The following PTPN23 variants were observed in gnomAD, a reference collection of about 807,000 sequenced individuals.
The protein encoded by PTPN23 is tyrosine-protein phosphatase non-receptor type 23.
A neutral mutation model predicts 156.3 loss-of-function variants in PTPN23; 72 were observed. The ratio of observed to expected loss-of-function variants is 0.46; its 90% CI spans 0.38 to 0.56. The LOEUF is 0.56. Among genes scored for constraint, PTPN23 ranks in the 20% least tolerant of loss-of-function variants. The pLI, the probability that PTPN23 is intolerant of heterozygous loss-of-function variation, is 0.00. For missense variants in PTPN23, 1,974 were observed against 2,171.5 expected, an observed-to-expected ratio of 0.91 and a Z score of 1.81; for synonymous variants, 957 against 899.6, an observed-to-expected ratio of 1.06 and a Z score of -1.14.
Position 47,413,357 on chromosome 3 carries a change from G to A in PTPN23, c.*172G>A, listed in dbSNP as rs1705381755. ...GGGGTGGAAATGTACTGCAGGCTCTGGGTCAGGTTCTGCTCCTTTATGGGA... is the reference window on the plus strand; with the variant it reads ...GGGGTGGAAATGTACTGCAGGCTCTAGGTCAGGTTCTGCTCCTTTATGGGA... On this transcript the variant is annotated 3_prime_UTR_variant, in exon 25 of 25. Coordinates refer to ENST00000265562, the MANE Select transcript of PTPN23 (RefSeq NM_015466.4). The A allele has an allele frequency of 7.7e-6, 7 of 904,988 alleles. No individual in the cohort carries two copies. In the South Asian group the frequency reaches 1.3e-4, roughly 17 times the overall value. 56.1% of individuals were successfully genotyped at this position (904,988 alleles called of 1,614,324 possible).
At position 47,412,256 on chromosome 3, in the gene PTPN23, C is replaced by T. The variant is rs200830929; in HGVS notation, c.4179-27C>T. On this transcript the variant is annotated intron_variant, in intron 22 of 24. Transcript: ENST00000265562. ...GGGCTCTTGGCCTAGCCTCATACCC[C>T]GGCCTCATAACCCCTTCTTGGCACA... is the stretch of plus-strand genomic sequence containing the variant. The T allele has an allele frequency of 2.6e-4, 418 of 1,612,948 alleles. 2 individuals are homozygous for T. The highest frequency in any genetic ancestry group is 5.0e-4 in the Middle Eastern group (3 of 6,060).
In PTPN23 at chr3:47,407,835, G is replaced by A. The variant is rs762364146; in HGVS notation, c.1118+24G>A. On this transcript the variant is annotated intron_variant, in intron 13 of 24. Coordinates refer to ENST00000265562, the MANE Select transcript of PTPN23 (RefSeq NM_015466.4). The surrounding 1 kb of genome is among the most constrained non-coding windows in gnomAD (Gnocchi z 4.0). The stretch of plus-strand genomic sequence containing the variant: ...AGGTGGGTGGAGGGTGGCACAGAGG[G>A]AGGTGGGGTGTCTTGAGATGTGGGT... 8.1e-6 allele frequency: 13 copies of A among 1,614,086 alleles called. No individual in the cohort carries two copies. Among genetic ancestry groups the A allele is most frequent in the Non-Finnish European group, 1.1e-5 (13 of 1,179,916 alleles).
At chr3:47,412,664 C>G (rs753885218) in intron 24 of PTPN23, 37 bp downstream of exon 24, 1 of 1,604,930 alleles carries the variant, frequency 6.2e-7, no homozygotes, top group South Asian at 1.1e-5. Context: ...GGGAGAGCCA[C>G]AGCCTTGGGA....
intron 1 of PTPN23, among the ~76,000 whole-genome samples, chr3:47,389,493 G>A (rs1178495864): frequency 1.3e-5 from 2 of 152,050 alleles, no homozygotes; most frequent in Non-Finnish European, 2.9e-5. Context: ...GGTAGCTCAC[G>A]CCTGTAATCC....
At chr3:47,384,540 C>T (rs1704616513) in intron 1 of PTPN23, among the ~76,000 whole-genome samples, 1 of 150,840 alleles carries the variant, frequency 6.6e-6, no homozygotes, top group Non-Finnish European at 1.5e-5. Flanking sequence ...GAAGGCTTGC[C>T]AGAGATGGAT....
In PTPN23 at chr3:47,412,299, A is replaced by G; in HGVS notation, c.4195A>G (p.Thr1399Ala). 1 of 1,613,254 alleles carries G rather than the reference A, an allele frequency of 6.2e-7. No individual in the cohort carries two copies. The highest frequency in any genetic ancestry group is 8.5e-7 in the Non-Finnish European group (1 of 1,179,872). ...IVHCSSGVGR[T>A]GAFALLYAAV... ...TTGGCACAGCTCTGGTGTGGGCCGC[A>G]CGGGAGCCTTTGCACTGCTCTATGC... The change falls in exon 23 of 25, where the codon ACG becomes GCG. Residue 1399 changes from threonine to alanine, a missense_variant. Thr to Ala is a moderately conservative substitution (Grantham distance 58). Coordinates refer to ENST00000265562, the MANE Select transcript of PTPN23 (RefSeq NM_015466.4).
intron 3 of PTPN23, 73 bp downstream of exon 3, chr3:47,404,852 C>A: frequency 6.3e-7 from 1 of 1,583,688 alleles, no homozygotes. Context: ...CCCTCCCTTC[C>A]CCCTTCTCCT....
In PTPN23 at chr3:47,409,408, C is replaced by G; in HGVS notation, c.1798-9C>G. On this transcript the variant is annotated splice_polypyrimidine_tract_variant and intron_variant, in intron 17 of 24. Coordinates refer to ENST00000265562, the MANE Select transcript of PTPN23 (RefSeq NM_015466.4). ...GAGTGTCCGTCCCTGGCCCCCACCC[C>G]TTCCTCAGAAGTTGTTCGAGGAGCA... 1 of 1,614,050 alleles carries G rather than the reference C, an allele frequency of 6.2e-7. No individual in the cohort carries two copies.
rs1576211552 is a variant in PTPN23, at chr3:47,389,556, C to T, written c.85-6587C>T. Among the ~76,000 whole-genome samples, 5 of 151,908 alleles carry T rather than the reference C, an allele frequency of 3.3e-5. No individual in the cohort carries two copies. In the East Asian group the frequency reaches 9.7e-4, roughly 29 times the overall value. ...GATCACGAAGTCAAGGGTTCGGGAC[C>T]AGGGCCTGGCGCAGTGGCTCACGCC... On this transcript the variant is annotated intron_variant, in intron 1 of 24. Coordinates refer to ENST00000265562, the MANE Select transcript of PTPN23 (RefSeq NM_015466.4).
At position 47,413,346 on chromosome 3, in the gene PTPN23, C is replaced by G; in HGVS notation, c.*161C>G. The G allele has an allele frequency of 1.0e-6, 1 of 985,642 alleles. No individual in the cohort carries two copies. The highest frequency in any genetic ancestry group is 1.5e-6 in the Non-Finnish European group (1 of 672,780). 61.1% of individuals were successfully genotyped at this position (985,642 alleles called of 1,614,324 possible). ...TGCACCCCTGTGGGGTGGAAATGTA[C>G]TGCAGGCTCTGGGTCAGGTTCTGCT... is the stretch of plus-strand genomic sequence containing the variant. On this transcript the variant is annotated 3_prime_UTR_variant, in exon 25 of 25. Coordinates refer to ENST00000265562, the MANE Select transcript of PTPN23 (RefSeq NM_015466.4).
rs1181977839 is a variant in PTPN23, at chr3:47,411,275, G to A, written c.3477G>A (p.Leu1159=). 7 of 1,611,124 alleles carry A rather than the reference G, an allele frequency of 4.3e-6. No homozygotes were observed. ...AEGRRPQALR[L]IERDPYEHPE... is the part of the protein sequence containing the mutation. The stretch of plus-strand genomic sequence containing the variant: ...GTCGTCGGCCGCAGGCCCTGCGGCT[G>A]ATTGAGCGGGACCCCTATGAGCATC... The change falls in exon 20 of 25, where the codon CTG becomes CTA. Residue 1159 remains leucine, a synonymous_variant. Coordinates refer to ENST00000265562, the MANE Select transcript of PTPN23 (RefSeq NM_015466.4). This position sits in a 1 kb window ranked among gnomAD's most constrained non-coding sequence, Gnocchi z 6.3.
Position 47,410,067 on chromosome 3 carries a change from C to T in PTPN23, c.2269C>T (p.Arg757Ter), listed in dbSNP as rs1270036733. Residue 757 changes from arginine to a stop codon, truncating the protein, a stop_gained, in exon 20 of 25, where the codon CGA becomes TGA. Coordinates refer to ENST00000265562, the MANE Select transcript of PTPN23 (RefSeq NM_015466.4). LOFTEE classifies it high-confidence loss of function. ...CCCCCCTGACATGGTGGCTGGCCCA[C>T]GACTGCCTGACACCTTCCTGGGAAG... ...SLPPDMVAGP[R>*]LPDTFLGSAT... is the part of the protein sequence containing the mutation. The T allele has an allele frequency of 1.2e-6, 2 of 1,611,394 alleles. No individual in the cohort carries two copies. Among genetic ancestry groups the T allele is most frequent in the Non-Finnish European group, 8.5e-7 (1 of 1,178,960 alleles).
At chr3:47,384,451 G>A (rs1264799947) in intron 1 of PTPN23, among the ~76,000 whole-genome samples, 1 of 43,484 alleles carries the variant, frequency 2.3e-5, no homozygotes, top group Non-Finnish European at 4.2e-5. Flanking sequence ...GAGCGAGACT[G>A]TCTCAAAAAA....
intron 2 of PTPN23, among the ~76,000 whole-genome samples, chr3:47,404,357 A>G (rs1271711826): frequency 1.3e-5 from 2 of 150,024 alleles, no homozygotes; most frequent in Admixed American, 1.3e-4. Context: ...GCTTGAACCC[A>G]GGAGGTTGCA....
rs1559528487 is a variant in PTPN23 at position 47,410,653 on chromosome 3, G to C, written c.2855G>C (p.Gly952Ala). The change falls in exon 20 of 25, where the codon GGG becomes GCG. Residue 952 changes from glycine to alanine, a missense_variant. Physicochemically the swap from Gly to Ala is moderately conservative, Grantham distance 60. Around this residue, in one of 4 missense-constraint regions of PTPN23, gnomAD observed 731 missense variants for 669.1 expected, o/e 1.09. Transcript: ENST00000265562. ...GCAGGTTTTCCAGCCCCAAGGATTG[G>C]GCCCCAGCCCCAGCCCCATCCTCAG... ...IPAGFPAPRI[G>A]PQPQPHPQPH... 1.2e-6 allele frequency: 2 copies of C among 1,610,814 alleles called. No individual in the cohort carries two copies. Among genetic ancestry groups the C allele is most frequent in the Non-Finnish European group, 8.5e-7 (1 of 1,178,942 alleles).
At position 47,410,219 on chromosome 3, in the gene PTPN23, C is replaced by T; in HGVS notation, c.2421C>T (p.Ala807=). The T allele has an allele frequency of 6.2e-7, 1 of 1,611,470 alleles. No individual in the cohort carries two copies. Among genetic ancestry groups the T allele is most frequent in the South Asian group, 1.1e-5 (1 of 90,666 alleles). The part of the protein sequence containing the change: ...SGPTQLIQPR[A]PGPHAMPVAP... ...CCACCCAGCTGATACAGCCCAGGGC[C>T]CCAGGGCCCCATGCAATGCCCGTAG... The change falls in exon 20 of 25, where the codon GCC becomes GCT. Residue 807 remains alanine (A), a synonymous_variant. Coordinates refer to ENST00000265562, the MANE Select transcript of PTPN23 (RefSeq NM_015466.4).
Position 47,410,144 on chromosome 3 carries a change from A to T in PTPN23, c.2346A>T (p.Pro782=). ...GCCCCTTCCCCAGCTCCACAGGCCC[A>T]GGACCCCACTATCTCTCAGGCCCCT... ...PPSPFPSSTG[P]GPHYLSGPLP... The change falls in exon 20 of 25, where the codon CCA becomes CCT. Residue 782 remains proline (P), a synonymous_variant. Coordinates refer to ENST00000265562, the MANE Select transcript of PTPN23 (RefSeq NM_015466.4). The T allele has an allele frequency of 6.3e-7, 1 of 1,593,058 alleles. No individual in the cohort carries two copies. Among genetic ancestry groups the T allele is most frequent in the Admixed American group, 1.7e-5 (1 of 57,936 alleles).
chr3:47,407,880 G>A lies in PTPN23; in HGVS notation c.1119-10G>A, dbSNP rs768903209. On this transcript the variant is annotated splice_polypyrimidine_tract_variant and intron_variant, in intron 13 of 24. Transcript: ENST00000265562. This position sits in a 1 kb window ranked among gnomAD's most constrained non-coding sequence, Gnocchi z 4.0. The stretch of plus-strand genomic sequence containing the variant: ...GTGGGTCTTCAGCAAATGCTCTGTC[G>A]CTTCTGCAGTGAGGAGAAGGCCAAG... The A allele has an allele frequency of 3.1e-6, 5 of 1,614,038 alleles. No individual in the cohort carries two copies. Among genetic ancestry groups the A allele is most frequent in the East Asian group, 2.2e-5 (1 of 44,888 alleles).
intron 2 of PTPN23, among the ~76,000 whole-genome samples, chr3:47,403,522 CAGTTTT>C (rs1705049386): frequency 6.6e-6 from 1 of 151,908 alleles, no homozygotes; most frequent in Admixed American, 6.6e-5. Flanking sequence ...GGTGGGTATC[CAGTTTT>C]ACCTTTTGCT....
Sources: allele counts gnomAD v4.1 joint callset (sites outside exome capture counted in the v4.1 genomes callset), GRCh38; gene constraint gnomAD v4.1.1; regional missense constraint gnomAD v4.1.1; non-coding constraint Gnocchi (gnomAD v3.1); transcripts MANE v1.5; gene names NCBI Gene and HGNC (gene_info 2026-07-23, HGNC 2026-07-21).